OPRM1: variants seen among roughly 807,000 people sequenced by gnomAD.
The protein encoded by OPRM1 is opioid receptor mu 1.
OPRM1 carries 27 observed loss-of-function variants against 31.8 expected under a neutral mutation model. The ratio of observed to expected loss-of-function variants is 0.85; its 90% CI spans 0.63 to 1.17. The LOEUF is 1.17. OPRM1 is among the 50% of genes most tolerant of loss of function. OPRM1 has a pLI of 0.00. For synonymous variants in OPRM1, 196 were observed against 189.9 expected (o/e 1.03, Z -0.26); for missense variants, 536 against 511.1 (o/e 1.05, Z -0.47).
chr6:154,200,069 GAAT>G (rs757509133), intron 3 of OPRM1: 1 of 1,556,024 alleles, frequency 6.4e-7, no homozygotes. Context: ...ACCAAAAAAA[GAAT>G]AAAAGACATC....
At chr6:154,072,939 T>C (rs1787109399) in intron 1 of OPRM1, among the ~76,000 whole-genome samples, 1 of 152,198 alleles carries the variant, frequency 6.6e-6, no homozygotes, top group Admixed American at 6.5e-5. Context: ...ACTTTTATGT[T>C]TTCCTTGGGA....
At chr6:154,058,152 A>G (rs1182747367) in intron 1 of OPRM1, among the ~76,000 whole-genome samples, 2 of 152,194 alleles carry the variant, frequency 1.3e-5, no homozygotes, top group African/African-American at 4.8e-5. Flanking sequence ...AAATAACAGC[A>G]TATGAATGAA....
intron 1 of OPRM1, among the ~76,000 whole-genome samples, chr6:154,058,513 A>G (rs545283446): frequency 6.6e-6 from 1 of 152,332 alleles, no homozygotes; most frequent in African/African-American, 2.4e-5. Context: ...CCACATGAGA[A>G]ACATCTAGAA....
At chr6:154,118,492 G>A (rs780794741) in intron 3 of OPRM1, among the ~76,000 whole-genome samples, 191 bp from the exon 4 acceptor site, 1 of 152,150 alleles carries the variant, frequency 6.6e-6, no homozygotes, top group Non-Finnish European at 1.5e-5. Context: ...TATTCATAAT[G>A]AGCCAGAAGA....
intron 3 of OPRM1, chr6:154,108,230 G>T: frequency 4.9e-6 from 2 of 405,596 alleles, no homozygotes; most frequent in Non-Finnish European, 8.8e-6. Flanking sequence ...ACTCTGCTTA[G>T]CACCAAATAT....
At chr6:154,223,338 G>C in intron 3 of OPRM1, 1 of 955,326 alleles carries the variant, frequency 1.0e-6, no homozygotes, top group East Asian at 2.6e-5. Flanking sequence ...TGGTATAAAT[G>C]ACATGAGGGA....
At chr6:154,089,300 AC>A (rs1470312478) in intron 1 of OPRM1, among the ~76,000 whole-genome samples, 1 of 151,946 alleles carries the variant, frequency 6.6e-6, no homozygotes, top group Non-Finnish European at 1.5e-5. Flanking sequence ...AAAAATTAAA[AC>A]CCTCACTGCG....
chr6:154,144,463 C>T (rs372617988), intron 3 of OPRM1, among the ~76,000 whole-genome samples: 75 of 152,054 alleles, frequency 4.9e-4, no homozygotes, highest in African/African-American at 1.6e-3. Context: ...TTATACAACA[C>T]GGGCCGGGCA....
intron 3 of OPRM1, among the ~76,000 whole-genome samples, chr6:154,163,496 T>C (rs560197712): frequency 2.6e-5 from 4 of 152,202 alleles, no homozygotes; most frequent in Non-Finnish European, 5.9e-5. Flanking sequence ...CTATCATCAC[T>C]TATCATATTA....
At chr6:154,098,901 C>T (rs1793861153) in intron 3 of OPRM1, among the ~76,000 whole-genome samples, 1 of 152,156 alleles carries the variant, frequency 6.6e-6, no homozygotes, top group Admixed American at 6.5e-5. Context: ...CATCAGTCCT[C>T]TCCCTTCACA....
chr6:154,022,541 G>T (rs894276764), intron 1 of OPRM1, among the ~76,000 whole-genome samples: 9 of 144,222 alleles, frequency 6.2e-5, no homozygotes, highest in African/African-American at 2.5e-4. Context: ...TTTGCTGTGA[G>T]GAACCTTTTA....
rs1786650504 is a variant in OPRM1 at position 154,071,243 on chromosome 6, G to T, written c.291-18583G>T. Among the ~76,000 whole-genome samples the T allele has an allele frequency of 3.3e-5, 5 of 152,294 alleles. No homozygotes were observed. In the South Asian group the frequency reaches 1.0e-3, roughly 32 times the overall value. ...AGGAAGGAAGCAGCTCATTAAAAAG[G>T]TGAGATGGTATCCAACACTAGCTTT... On this transcript the variant is annotated intron_variant, in intron 1 of 3. Transcript: ENST00000330432.
At chr6:154,028,639 G>A (rs941400538) in intron 1 of OPRM1, among the ~76,000 whole-genome samples, 1 of 152,198 alleles carries the variant, frequency 6.6e-6, no homozygotes, top group African/African-American at 2.4e-5. Flanking sequence ...TCAGACCACT[G>A]GGATTAGTGA....
At chr6:154,043,541 A>G (rs879882702) in intron 1 of OPRM1, among the ~76,000 whole-genome samples, 80 of 87,534 alleles carry the variant, frequency 9.1e-4, no homozygotes, top group Middle Eastern at 0.01. Context: ...GTGTGTGTAT[A>G]TATATATATA....
chr6:154,079,737 T>G (rs1235061162), intron 1 of OPRM1, among the ~76,000 whole-genome samples: 7 of 152,186 alleles, frequency 4.6e-5, no homozygotes, highest in Non-Finnish European at 8.8e-5. Flanking sequence ...AGAGGTGAGA[T>G]CTTGCTCTGT....
intron 3 of OPRM1, 52 bp from the exon 4 acceptor site, chr6:154,118,631 G>A: frequency 1.3e-6 from 2 of 1,572,306 alleles, no homozygotes; most frequent in East Asian, 2.2e-5. Context: ...ACAAATGTGT[G>A]TTGCAACCGT....
intron 3 of OPRM1, chr6:154,159,042 A>G (rs1798827277): frequency 6.6e-6 from 1 of 152,282 alleles, no homozygotes; most frequent in African/African-American, 2.4e-5. Flanking sequence ...AGAGCAGTAG[A>G]CATTCTTTGC....
chr6:154,086,254 G>T (rs781254389), intron 1 of OPRM1, among the ~76,000 whole-genome samples: 5 of 152,152 alleles, frequency 3.3e-5, no homozygotes, highest in Non-Finnish European at 5.9e-5. Context: ...CACATATTTA[G>T]AAGATCGTTG....
intron 3 of OPRM1, chr6:154,154,946 A>G (rs2128543166): frequency 6.6e-6 from 1 of 152,540 alleles, no homozygotes; most frequent in South Asian, 2.1e-4. Flanking sequence ...TGGCGATTAA[A>G]ACTCCTGGTT....
Sources: allele counts gnomAD v4.1 joint callset (sites outside exome capture counted in the v4.1 genomes callset), GRCh38; gene constraint gnomAD v4.1.1; transcripts MANE v1.5; gene names NCBI Gene and HGNC (gene_info 2026-07-23, HGNC 2026-07-21).